Variants in LRBA observed in about 807,000 individuals in gnomAD.
The protein encoded by LRBA is LPS responsive beige-like anchor protein, also known as lipopolysaccharide-responsive and beige-like anchor protein.
In LRBA, 176 loss-of-function variants were observed where a neutral mutation model predicts 330.0. The ratio of observed to expected loss-of-function variants is 0.53; its 90% confidence interval spans 0.47 to 0.60. The LOEUF is 0.60. LRBA is among the 20% of genes least tolerant of loss of function. The pLI is 0.00. For synonymous variants in LRBA, 1,230 were observed against 1,193.0 expected (o/e 1.03, Z -0.64); for missense variants, 3,259 against 3,444.8 (o/e 0.95, Z 1.35).
chr4:150,786,708 A>C (rs1281937267), intron 34 of LRBA, among the ~76,000 whole-genome samples: 1 of 152,194 alleles, frequency 6.6e-6, no homozygotes, highest in Non-Finnish European at 1.5e-5. Context: ...GACCAAAAAA[A>C]TATGTTTAAA....
intron 2 of LRBA, among the ~76,000 whole-genome samples, chr4:151,009,367 G>T (rs1041850281): frequency 3.3e-5 from 5 of 151,768 alleles, no homozygotes; most frequent in Non-Finnish European, 7.4e-5. Flanking sequence ...TGGCCAACAT[G>T]GTGAAACCCC....
At position 150,302,671 on chromosome 4, in the gene LRBA, C is replaced by T. The variant is rs772847181; in HGVS notation, c.7971G>A (p.Leu2657=). Residue 2657 remains leucine (L), a synonymous_variant, in exon 53 of 57, where the codon CTG becomes CTA. Transcript: ENST00000651943. ...CACTGCATTTTCCATTCCAATACCACAGCAAAAGAGTTGCATCACGTGACC... is the reference window on the plus strand; with the variant it reads ...CACTGCATTTTCCATTCCAATACCATAGCAAAAGAGTTGCATCACGTGACC... ...LSGSRDATLL[L]WYWNGKCSGI... The T allele has an allele frequency of 9.3e-6, 15 of 1,613,028 alleles. No homozygotes were observed. The highest frequency in any genetic ancestry group is 1.3e-5 in the Non-Finnish European group (15 of 1,179,332).
rs1554034850 is a variant in LRBA at position 150,470,876 on chromosome 4, C to CACACACACCA, written c.6667+747_6667+748insTGGTGTGTGT. On this transcript the variant is annotated intron_variant, in intron 43 of 56. Coordinates refer to ENST00000651943, the MANE Select transcript of LRBA (RefSeq NM_001364905.1). ...ACACACACACACACACACACACACACCACACACTAAATTACTTCCTAACTT... is the reference window on the plus strand; with the variant it reads ...ACACACACACACACACACACACACACACACACACCACACACACTAAATTACTTCCTAACTT... Among the ~76,000 whole-genome samples, 477 of 143,770 alleles carry CACACACACCA rather than the reference C, an allele frequency of 3.3e-3. 4 individuals carry two copies. The highest frequency in any genetic ancestry group is 0.01 in the African/African-American group (400 of 38,496). 94.3% of individuals were successfully genotyped at this position (143,770 alleles called of 152,430 possible). A position where few individuals can be genotyped will look rare whatever the true frequency, so the allele number is the denominator to read the frequency against.
In LRBA at chr4:150,689,086, A is replaced by T. The variant is rs1163355438; in HGVS notation, c.5755-5369T>A. The stretch of plus-strand genomic sequence containing the variant: ...AATGTCCATCAATGTTAGACTGGAT[A>T]AAGAAAATGTGACACATATACTCCA... On this transcript the variant is annotated intron_variant, in intron 36 of 56. Transcript: ENST00000651943. 5.3e-5 allele frequency among the ~76,000 whole-genome samples: 8 copies of T among 152,222 alleles called. No homozygotes were observed. The East Asian group carries it at 1.2e-3, about 22-fold the overall frequency.
At chr4:150,451,933 C>CA (rs1374242436) in intron 44 of LRBA, among the ~76,000 whole-genome samples, 2 of 152,044 alleles carry the variant, frequency 1.3e-5, no homozygotes, top group African/African-American at 4.8e-5. Flanking sequence ...CAAAGTTTTA[C>CA]AAAAAAACCT....
Position 150,897,665 on chromosome 4 carries a change from A to C in LRBA, c.2004+74T>G. The C allele has an allele frequency of 5.7e-6, 6 of 1,054,356 alleles. No homozygotes were observed. The South Asian group carries it at 8.7e-5, about 15-fold the overall frequency. The allele number at this position is 1,054,356 out of a possible 1,614,324, so 65.3% of individuals were successfully genotyped here. On this transcript the variant is annotated intron_variant, in intron 15 of 56. Transcript: ENST00000651943. Reference sequence around the variant, plus strand: ...CAGTAACCAAGCAAAGAATAAAAAAACCAAGATTGTATTTCATGTGAAATT... The same window carrying C: ...CAGTAACCAAGCAAAGAATAAAAAACCCAAGATTGTATTTCATGTGAAATT...
In LRBA at chr4:150,491,263, C is replaced by T. The variant is rs903541967; in HGVS notation, c.6331-228G>A. 5.9e-5 allele frequency among the ~76,000 whole-genome samples: 9 copies of T among 151,884 alleles called. No individual in the cohort carries two copies. The South Asian group carries it at 1.0e-3, about 18-fold the overall frequency. On this transcript the variant is annotated intron_variant, in intron 40 of 56. Transcript: ENST00000651943. ...ATTATAAAACATTTAAGTATATATT[C>T]GGGCTTTTAAAAACAATGATATAAT...
intron 48 of LRBA, among the ~76,000 whole-genome samples, chr4:150,334,324 T>C (rs2126980196): frequency 6.6e-6 from 1 of 152,246 alleles, no homozygotes; most frequent in South Asian, 2.1e-4. Context: ...ATATTTTCAA[T>C]GAAATTTGCA....
intron 34 of LRBA, among the ~76,000 whole-genome samples, chr4:150,765,847 CA>C (rs1735696362): frequency 6.6e-6 from 1 of 151,988 alleles, no homozygotes; most frequent in Non-Finnish European, 1.5e-5. Flanking sequence ...ATTTAGATTT[CA>C]CAAAGATTTT....
intron 40 of LRBA, among the ~76,000 whole-genome samples, chr4:150,495,785 C>T (rs762785844): frequency 3.9e-5 from 6 of 152,156 alleles, no homozygotes; most frequent in Admixed American, 6.5e-5. Context: ...ACACTGACAG[C>T]ACCTTAGACA....
At chr4:150,442,529 T>C (rs1751977719) in intron 44 of LRBA, among the ~76,000 whole-genome samples, 1 of 152,302 alleles carries the variant, frequency 6.6e-6, no homozygotes, top group African/African-American at 2.4e-5. Flanking sequence ...TTGATATGAC[T>C]GGGAAATCAG....
intron 46 of LRBA, among the ~76,000 whole-genome samples, chr4:150,419,371 T>C (rs1298628622): frequency 1.3e-5 from 2 of 152,100 alleles, no homozygotes; most frequent in Non-Finnish European, 2.9e-5. Context: ...AATAAAGATA[T>C]GACTAATGAA....
intron 37 of LRBA, among the ~76,000 whole-genome samples, chr4:150,628,409 A>G (rs550226023): frequency 6.6e-6 from 1 of 152,184 alleles, no homozygotes; most frequent in Non-Finnish European, 1.5e-5. Flanking sequence ...TGATCAAAAA[A>G]CAGCCATAAG....
chr4:150,608,499 G>C (rs192665078), intron 37 of LRBA, among the ~76,000 whole-genome samples: 1 of 152,298 alleles, frequency 6.6e-6, no homozygotes, highest in African/African-American at 2.4e-5. Flanking sequence ...TTTCAAAGCA[G>C]TCAGCGGGCA....
intron 40 of LRBA, among the ~76,000 whole-genome samples, chr4:150,571,605 T>A (rs1427320134): frequency 6.6e-6 from 1 of 150,488 alleles, no homozygotes; most frequent in Admixed American, 6.7e-5. Flanking sequence ...AAGAAAATAC[T>A]TAAGCATTCA....
chr4:150,555,770 C>A (rs937945336), intron 40 of LRBA, among the ~76,000 whole-genome samples: 1 of 150,518 alleles, frequency 6.6e-6, no homozygotes, highest in African/African-American at 2.5e-5. Context: ...CACACACACA[C>A]ACACACACAC....
intron 37 of LRBA, among the ~76,000 whole-genome samples, chr4:150,635,851 T>TTA (rs1324635520): frequency 6.6e-6 from 1 of 152,218 alleles, no homozygotes; most frequent in African/African-American, 2.4e-5. Flanking sequence ...CATTGAGTTA[T>TTA]TATGTCTCTT....
At chr4:150,444,368 T>G (rs192442780) in intron 44 of LRBA, among the ~76,000 whole-genome samples, 34 of 152,178 alleles carry the variant, frequency 2.2e-4, no homozygotes, top group African/African-American at 7.9e-4. Flanking sequence ...ACCACTCTAG[T>G]GAAGAAAATA....
At chr4:150,987,620 C>T (rs1473000893) in intron 2 of LRBA, among the ~76,000 whole-genome samples, 1 of 151,972 alleles carries the variant, frequency 6.6e-6, no homozygotes, top group Non-Finnish European at 1.5e-5. Context: ...ACAGGAGAAT[C>T]GCTTGAACCT....
Sources: allele counts gnomAD v4.1 joint callset (sites outside exome capture counted in the v4.1 genomes callset), GRCh38; gene constraint gnomAD v4.1.1; transcripts MANE v1.5; gene names NCBI Gene and HGNC (gene_info 2026-07-23, HGNC 2026-07-21).